The following PCDHGA9 variants were observed in gnomAD, a reference collection of about 807,000 sequenced individuals.
The protein encoded by PCDHGA9 is protocadherin gamma subfamily A, 9, also known as protocadherin gamma-A9.
In PCDHGA9, 37 loss-of-function variants were observed where a neutral mutation model predicts 62.5. That is an observed-to-expected ratio of 0.59 (90% CI 0.46 to 0.78). The LOEUF (loss-of-function observed/expected upper bound fraction) is 0.78. PCDHGA9 is among the 30% of genes least tolerant of loss of function. The pLI, the probability that PCDHGA9 is intolerant of heterozygous loss-of-function variation, is 0.00. For synonymous variants in PCDHGA9, 459 were observed against 484.6 expected (o/e 0.95, Z 0.69); for missense variants, 1,138 against 1,166.2 (o/e 0.98, Z 0.35).
chr5:141,402,796 A>C lies in PCDHGA9; in HGVS notation c.-157A>C. ...GATTTCCAGTTCTGCGGCTACACAA[A>C]ACCCGGCAGATACCACAAACCTGCT... On this transcript the variant is annotated 5_prime_UTR_variant, in exon 1 of 4. Coordinates refer to ENST00000573521, the MANE Select transcript of PCDHGA9 (RefSeq NM_018921.3). The C allele has an allele frequency of 9.6e-7, 1 of 1,040,680 alleles. No individual in the cohort carries two copies. Among genetic ancestry groups the C allele is most frequent in the South Asian group, 2.0e-5 (1 of 50,660 alleles). 64.5% of individuals were successfully genotyped at this position (1,040,680 alleles called of 1,614,324 possible). A position where few individuals can be genotyped will look rare whatever the true frequency, so the allele number is the denominator to read the frequency against.
intron 1 of PCDHGA9, chr5:141,413,526 G>A: frequency 6.2e-7 from 1 of 1,613,936 alleles, no homozygotes; most frequent in Non-Finnish European, 8.5e-7. Context: ...TGGAAGACAG[G>A]GTGAAACTTT....
In PCDHGA9 at chr5:141,491,762, C is replaced by T. The variant is rs1162878124; in HGVS notation, c.2425-3045C>T. The T allele has an allele frequency of 6.4e-7, 1 of 1,572,596 alleles. No homozygotes were observed. The highest frequency in any genetic ancestry group is 1.4e-5 in the African/African-American group (1 of 73,308). ...GGCGGCACTGGAGAAGCCGCCCGTC[C>T]TCATAAGGGATTGAACTTGCATCCA... On this transcript the variant is annotated intron_variant, in intron 1 of 3. Transcript: ENST00000573521. The surrounding 1 kb of genome is among the most constrained non-coding windows in gnomAD (Gnocchi z 6.9).
rs979750945 is a variant in PCDHGA9 at position 141,478,807 on chromosome 5, A to G, written c.2425-16000A>G. The G allele has an allele frequency of 3.4e-6, 5 of 1,459,258 alleles. No homozygotes were observed. The African/African-American group carries it at 5.7e-5, about 17-fold the overall frequency. 90.4% of individuals were successfully genotyped at this position (1,459,258 alleles called of 1,614,324 possible). On this transcript the variant is annotated intron_variant, in intron 1 of 3. Transcript: ENST00000573521. The stretch of plus-strand genomic sequence containing the variant: ...TTCACATCCTCAGCACTCTTTTGCT[A>G]TCACAACTAACCAATCTTGCTAAGG...
At chr5:141,478,618 G>A (rs1374855853) in intron 1 of PCDHGA9, 1 of 1,556,056 alleles carries the variant, frequency 6.4e-7, no homozygotes, top group Non-Finnish European at 8.7e-7. Flanking sequence ...GGAAGGAATG[G>A]AGCTGTTTTT....
intron 1 of PCDHGA9, chr5:141,423,244 C>T: frequency 1.2e-6 from 2 of 1,613,984 alleles, no homozygotes; most frequent in Non-Finnish European, 1.7e-6. Context: ...CCCCGAAGTC[C>T]TGGCGGACCT....
At chr5:141,419,104 C>T (rs756257411) in intron 1 of PCDHGA9, 75 of 1,613,732 alleles carry the variant, frequency 4.6e-5, no homozygotes, top group Non-Finnish European at 5.9e-5. Context: ...GGGAGCAGAC[C>T]CCAGAGTACA....
chr5:141,430,235 G>T (rs1020445956), intron 1 of PCDHGA9, among the ~76,000 whole-genome samples: 3 of 128,670 alleles, frequency 2.3e-5, no homozygotes, highest in Non-Finnish European at 4.7e-5. Context: ...GTCAAAAAGA[G>T]AAACTCCTAG....
At chr5:141,467,103 AGTACAATG>A (rs1438695307) in intron 1 of PCDHGA9, among the ~76,000 whole-genome samples, 1 of 147,462 alleles carries the variant, frequency 6.8e-6, no homozygotes, top group East Asian at 2.0e-4. Flanking sequence ...CACAGGCTGG[AGTACAATG>A]GTGCAATCTC....
chr5:141,477,504 A>T lies in PCDHGA9; in HGVS notation c.2425-17303A>T, dbSNP rs1396003792. Reference sequence around the variant, plus strand: ...CCACAATCTTCTCAATCTTCCTACGACGTTTACATTGAAGAAAACAACCTC... The same window carrying T: ...CCACAATCTTCTCAATCTTCCTACGTCGTTTACATTGAAGAAAACAACCTC... On this transcript the variant is annotated intron_variant, in intron 1 of 3. Coordinates refer to ENST00000573521, the MANE Select transcript of PCDHGA9 (RefSeq NM_018921.3). This position sits in a 1 kb window ranked among gnomAD's most constrained non-coding sequence, Gnocchi z 4.9. The T allele has an allele frequency of 4.3e-6, 7 of 1,613,982 alleles. No homozygotes were observed. In the Admixed American group the frequency reaches 8.3e-5, roughly 19 times the overall value.
At chr5:141,413,445 C>G (rs764464917) in intron 1 of PCDHGA9, 105 of 1,613,986 alleles carry the variant, frequency 6.5e-5, no homozygotes, top group Non-Finnish European at 8.5e-5. Context: ...GCTTGATCAC[C>G]GCGGGCAGGA....
At chr5:141,488,385 G>A (rs917106670) in intron 1 of PCDHGA9, among the ~76,000 whole-genome samples, 11 of 152,164 alleles carry the variant, frequency 7.2e-5, no homozygotes, top group Non-Finnish European at 1.5e-5. Context: ...TCCTGAATTT[G>A]GTGAAACCAT....
chr5:141,487,593 C>G lies in PCDHGA9; in HGVS notation c.2425-7214C>G. The G allele has an allele frequency of 6.2e-7, 1 of 1,614,206 alleles. No homozygotes were observed. Among genetic ancestry groups the G allele is most frequent in the African/African-American group, 1.3e-5 (1 of 75,062 alleles). On this transcript the variant is annotated intron_variant, in intron 1 of 3. Coordinates refer to ENST00000573521, the MANE Select transcript of PCDHGA9 (RefSeq NM_018921.3). This position sits in a 1 kb window ranked among gnomAD's most constrained non-coding sequence, Gnocchi z 5.0. ...CCTGTTCGCCCAAGCTGCCCACCCT[C>G]TGATCTTCTCTATGGGCTAGAGGTG...
chr5:141,505,450 G>T lies in PCDHGA9; in HGVS notation c.2541G>T (p.Met847Ile). Residue 847 changes from methionine (M) to isoleucine (I), a missense_variant, in exon 3 of 4, where the codon ATG becomes ATT. By Grantham distance (10) the Met-to-Ile change is conservative (BLOSUM62 1). Coordinates refer to ENST00000573521, the MANE Select transcript of PCDHGA9 (RefSeq NM_018921.3). ...TWPNNQFDTE[M>I]LQAMILASAS... ...CCAACAACCAGTTTGACACAGAGAT[G>T]CTGCAAGCCATGATCTTGGCGTCCG... 6.2e-7 allele frequency: 1 copy of T among 1,614,194 alleles called. No homozygotes were observed. The highest frequency in any genetic ancestry group is 8.5e-7 in the Non-Finnish European group (1 of 1,180,012).
chr5:141,419,945 T>TTGGCCTTGATTTCTG (rs1205104698), intron 1 of PCDHGA9: 6 of 1,613,970 alleles, frequency 3.7e-6, no homozygotes, highest in Non-Finnish European at 4.2e-6. Flanking sequence ...GGTGGTGGCC[T>TTGGCCTTGATTTCTG]TGGCCTTGAT....
chr5:141,433,299 T>G, intron 1 of PCDHGA9: 1 of 995,012 alleles, frequency 1.0e-6, no homozygotes, highest in Non-Finnish European at 1.5e-6. Flanking sequence ...GCTCAAGCAA[T>G]TATCCCACCT....
chr5:141,477,066 T>C lies in PCDHGA9; in HGVS notation c.2425-17741T>C. ...CGGCTGGACTTCGAGGACACCAAAC[T>C]CCATGAGATTTACATCCAGGCCAAA... On this transcript the variant is annotated intron_variant, in intron 1 of 3. Coordinates refer to ENST00000573521, the MANE Select transcript of PCDHGA9 (RefSeq NM_018921.3). This position sits in a 1 kb window ranked among gnomAD's most constrained non-coding sequence, Gnocchi z 4.9. 6.2e-7 allele frequency: 1 copy of C among 1,614,148 alleles called. No homozygotes were observed. The highest frequency in any genetic ancestry group is 8.5e-7 in the Non-Finnish European group (1 of 1,180,028).
chr5:141,419,939 G>C, intron 1 of PCDHGA9: 6 of 1,614,054 alleles, frequency 3.7e-6, no homozygotes, highest in Admixed American at 1.7e-5. Flanking sequence ...TTACCTGGTG[G>C]TGGCCTTGGC....
intron 1 of PCDHGA9, chr5:141,418,830 G>A (rs371820904): frequency 1.2e-6 from 2 of 1,613,976 alleles, no homozygotes; most frequent in Non-Finnish European, 1.7e-6. Flanking sequence ...GCAAAAGACC[G>A]AGGATCTCTC....
chr5:141,486,987 G>C lies in PCDHGA9; in HGVS notation c.2425-7820G>C, dbSNP rs1327158531. ...GACTTGGATTCAGGTTACAATGCTTGGGTTTCCTATCAGCTCCTGGAGGCC... is the reference window on the plus strand; with the variant it reads ...GACTTGGATTCAGGTTACAATGCTTCGGTTTCCTATCAGCTCCTGGAGGCC... On this transcript the variant is annotated intron_variant, in intron 1 of 3. Transcript: ENST00000573521. The surrounding 1 kb of genome is among the most constrained non-coding windows in gnomAD (Gnocchi z 5.0). The C allele has an allele frequency of 6.2e-7, 1 of 1,614,144 alleles. No homozygotes were observed. Among genetic ancestry groups the C allele is most frequent in the Admixed American group, 1.7e-5 (1 of 60,020 alleles).
Sources: gnomAD v4.1 joint callset for allele counts (sites outside exome capture counted in the v4.1 genomes callset) on GRCh38, gnomAD v4.1.1 for gene constraint, Gnocchi (gnomAD v3.1) non-coding constraint, MANE v1.5 for transcripts, NCBI Gene and HGNC (gene_info 2026-07-23, HGNC 2026-07-21) for gene names.